Variants in RANBP2 observed in about 807,000 individuals in gnomAD.
RANBP2 encodes RAN binding protein 2, also known as E3 SUMO-protein ligase RanBP2.
RANBP2 carries 57 observed loss-of-function variants against 303.6 expected under a neutral mutation model. The observed-to-expected ratio is 0.19, with a 90% CI of 0.15 to 0.23. The LOEUF (loss-of-function observed/expected upper bound fraction) is 0.23. RANBP2 is among the 10% of genes least tolerant of loss of function. The probability of loss-of-function intolerance (pLI) is 1.00; values close to 1 mark genes in which losing one functional copy is unlikely to be tolerated. For synonymous variants in RANBP2, 1,167 were observed against 1,301.5 expected, an observed-to-expected ratio of 0.90 and a Z score of 2.23; for missense variants, 3,138 against 3,780.8, an observed-to-expected ratio of 0.83 and a Z score of 4.46.
chr2:109,281,816 G>A, the RANBP2 span, among the ~76,000 whole-genome samples: 4 of 152,148 alleles, frequency 2.6e-5, no homozygotes, highest in Admixed American at 1.3e-4. Context: ...TCGGGGGCAC[G>A]CTGACCATGG....
At chr2:109,035,676 A>G in the RANBP2 span, among the ~76,000 whole-genome samples, 1 of 152,228 alleles carries the variant, frequency 6.6e-6, no homozygotes, top group African/African-American at 2.4e-5. Flanking sequence ...TAGTGGGCCT[A>G]ACAGAACCTT....
chr2:109,002,409 C>T, the RANBP2 span, among the ~76,000 whole-genome samples: 1 of 152,220 alleles, frequency 6.6e-6, no homozygotes, highest in Non-Finnish European at 1.5e-5. Flanking sequence ...ACTGCTTTGG[C>T]TTCTCCCAAT....
chr2:109,135,363 T>C, the RANBP2 span, among the ~76,000 whole-genome samples: 1 of 152,216 alleles, frequency 6.6e-6, no homozygotes, highest in Non-Finnish European at 1.5e-5. Context: ...AAGGTGGTTT[T>C]AATCTTGGCT....
chr2:109,184,387 C>T, the RANBP2 span, among the ~76,000 whole-genome samples: 1 of 152,292 alleles, frequency 6.6e-6, no homozygotes, highest in East Asian at 1.9e-4. Flanking sequence ...TGCAGAAAGG[C>T]AGCTTTTCAG....
chr2:109,325,642 TC>T, the RANBP2 span, among the ~76,000 whole-genome samples: 1 of 152,208 alleles, frequency 6.6e-6, no homozygotes, highest in Non-Finnish European at 1.5e-5. Flanking sequence ...AGCAGCCTGT[TC>T]CATTCTCAGC....
At chr2:109,221,312 G>T in the RANBP2 span, among the ~76,000 whole-genome samples, 1 of 151,174 alleles carries the variant, frequency 6.6e-6, no homozygotes, top group African/African-American at 2.4e-5. Flanking sequence ...GCTGGGCCAG[G>T]TGACTCACGG....
At chr2:109,512,673 C>T in the RANBP2 span, among the ~76,000 whole-genome samples, 79,142 of 151,936 alleles carry the variant, frequency 0.52, 21,004 homozygotes, top group Middle Eastern at 0.68. Context: ...AGAGGCTGAG[C>T]AAGAAAGAGA....
At chr2:109,419,782 A>G in the RANBP2 span, 1 of 731,778 alleles carries the variant, frequency 1.4e-6, no homozygotes, top group Admixed American at 2.8e-5. Context: ...GTCTAATAAC[A>G]CCGCTGAAGG....
chr2:109,599,348 C>T, the RANBP2 span, among the ~76,000 whole-genome samples: 1 of 150,912 alleles, frequency 6.6e-6, no homozygotes, highest in South Asian at 2.1e-4. Flanking sequence ...ATCCCAGTTA[C>T]TTGGGAGGCT....
the RANBP2 span, among the ~76,000 whole-genome samples, chr2:108,874,145 G>C: frequency 2.6e-5 from 4 of 152,092 alleles, no homozygotes; most frequent in Non-Finnish European, 5.9e-5. Flanking sequence ...CTGGTATTCT[G>C]TAATACCACA....
the RANBP2 span, among the ~76,000 whole-genome samples, chr2:109,458,044 A>T: frequency 7.9e-5 from 12 of 152,312 alleles, no homozygotes; most frequent in African/African-American, 2.4e-4. Context: ...TCAGGCACTC[A>T]GGCCATGTGG....
the RANBP2 span, among the ~76,000 whole-genome samples, chr2:109,222,091 A>G: frequency 2.0e-5 from 3 of 152,236 alleles, no homozygotes; most frequent in African/African-American, 7.2e-5. Context: ...GAAACAAGCC[A>G]GGCACAGAAA....
chr2:109,551,456 T>G, the RANBP2 span, among the ~76,000 whole-genome samples: 2 of 152,222 alleles, frequency 1.3e-5, no homozygotes, highest in African/African-American at 4.8e-5. Context: ...AATCTGTGAT[T>G]GCATCCTGGT....
the RANBP2 span, among the ~76,000 whole-genome samples, chr2:108,960,229 C>T: frequency 6.6e-6 from 1 of 152,158 alleles, no homozygotes; most frequent in Non-Finnish European, 1.5e-5. Flanking sequence ...TCTATTTGTC[C>T]ACAAGAGCCT....
chr2:109,120,466 G>T, the RANBP2 span, among the ~76,000 whole-genome samples: 3 of 152,142 alleles, frequency 2.0e-5, no homozygotes, highest in African/African-American at 7.2e-5. Flanking sequence ...TCAGCCAAGT[G>T]CTCAGCCAGG....
At chr2:108,871,379 A>T in the RANBP2 span, among the ~76,000 whole-genome samples, 1 of 149,742 alleles carries the variant, frequency 6.7e-6, no homozygotes, top group Non-Finnish European at 1.5e-5. Flanking sequence ...TTAAAAAAAA[A>T]AAAAAAAAAA....
the RANBP2 span, among the ~76,000 whole-genome samples, chr2:108,811,287 T>C: frequency 0.8 from 110,823 of 138,418 alleles, 44,722 homozygotes; most frequent in East Asian, 0.95. Context: ...GTCTCCCAGG[T>C]TGAAGTGCAG....
the RANBP2 span, among the ~76,000 whole-genome samples, chr2:109,424,993 A>G: frequency 2.0e-5 from 3 of 152,238 alleles, no homozygotes; most frequent in Non-Finnish European, 2.9e-5. Context: ...GTCAATGAAA[A>G]GAAAAGTTAT....
At chr2:108,857,305 C>T in the RANBP2 span, among the ~76,000 whole-genome samples, 1 of 152,010 alleles carries the variant, frequency 6.6e-6, no homozygotes, top group African/African-American at 2.4e-5. Context: ...TCTGTATCTC[C>T]TGACCTGGCA....
Sources: allele counts gnomAD v4.1 joint callset (sites outside exome capture counted in the v4.1 genomes callset), GRCh38; gene constraint gnomAD v4.1.1; transcripts MANE v1.5; gene names NCBI Gene and HGNC (gene_info 2026-07-23, HGNC 2026-07-21).